DDX60L: variants seen among roughly 807,000 people sequenced by gnomAD.
The protein encoded by DDX60L is DExD/H-box 60 like.
In DDX60L, 191 loss-of-function variants were observed where a neutral mutation model predicts 211.6. The observed-to-expected ratio is 0.90, with a 90% CI of 0.80 to 1.02. The LOEUF (loss-of-function observed/expected upper bound fraction) is 1.02. Ranked by LOEUF, DDX60L falls within the 50% of genes least tolerant of loss-of-function variation. The pLI, the probability that DDX60L is intolerant of heterozygous loss-of-function variation, is 0.00. For missense variants in DDX60L, 2,007 were observed against 1,984.1 expected (o/e 1.01, Z -0.22); for synonymous variants, 706 against 694.1 (o/e 1.02, Z -0.27).
intron 31 of DDX60L, 108 bp from the exon 32 acceptor site, chr4:168,379,612 T>C (rs1452609635): frequency 8.4e-7 from 1 of 1,193,310 alleles, no homozygotes; most frequent in African/African-American, 1.6e-5. Flanking sequence ...TATTAATAAA[T>C]GATAAGTAAC....
At chr4:168,384,338 T>C (rs914548889) in intron 30 of DDX60L, among the ~76,000 whole-genome samples, 2 of 151,928 alleles carry the variant, frequency 1.3e-5, no homozygotes, top group Admixed American at 1.3e-4. Context: ...AAAATAAAAA[T>C]TAGCTGGGCA....
At chr4:168,417,723 A>C (rs866064705) in intron 19 of DDX60L, among the ~76,000 whole-genome samples, 1 of 152,222 alleles carries the variant, frequency 6.6e-6, no homozygotes, top group Non-Finnish European at 1.5e-5. Flanking sequence ...TAGGTACTCA[A>C]TTAATATCTG....
At chr4:168,404,514 A>AT (rs1747403157) in intron 24 of DDX60L, among the ~76,000 whole-genome samples, 1 of 152,100 alleles carries the variant, frequency 6.6e-6, no homozygotes, top group Non-Finnish European at 1.5e-5. Context: ...ATTTCTTAAA[A>AT]TTAAAAAGAA....
At chr4:168,466,025 G>T (rs1482322347) in intron 4 of DDX60L, among the ~76,000 whole-genome samples, 1 of 151,784 alleles carries the variant, frequency 6.6e-6, no homozygotes, top group Non-Finnish European at 1.5e-5. Context: ...TAATTAAATG[G>T]TAAAGAAAAA....
chr4:168,357,248 T>C lies in DDX60L; in HGVS notation c.*899A>G, dbSNP rs1738333878. Reference sequence around the variant, plus strand: ...ACTTAAACAAAATCTATCATTGCTATTGAACAAAACAGTTGAATCAGCATG... The same window carrying C: ...ACTTAAACAAAATCTATCATTGCTACTGAACAAAACAGTTGAATCAGCATG... On this transcript the variant is annotated 3_prime_UTR_variant, in exon 38 of 38. Transcript: ENST00000682922. The C allele has an allele frequency of 6.6e-6, 1 of 152,250 alleles. No individual in the cohort carries two copies. Among genetic ancestry groups the C allele is most frequent in the Admixed American group, 6.5e-5 (1 of 15,284 alleles). 9.4% of individuals were successfully genotyped at this position (152,250 alleles called of 1,614,324 possible).
intron 19 of DDX60L, 25 bp downstream of exon 19, chr4:168,419,277 A>T (rs1188375725): frequency 6.6e-7 from 1 of 1,524,798 alleles, no homozygotes; most frequent in Non-Finnish European, 8.9e-7. Context: ...TAGAACATCA[A>T]CCAGAGAACT....
chr4:168,438,827 T>C (rs547037364), intron 10 of DDX60L, among the ~76,000 whole-genome samples: 4 of 152,336 alleles, frequency 2.6e-5, no homozygotes, highest in Admixed American at 2.6e-4. Flanking sequence ...GTTACAGAAA[T>C]GAGGACTCTA....
At chr4:168,457,269 C>T (rs201432966) in intron 6 of DDX60L, among the ~76,000 whole-genome samples, 43,087 of 150,156 alleles carry the variant, frequency 0.29, 7,799 homozygotes, top group East Asian at 0.59. Context: ...CATACACACA[C>T]ACACACACAC....
At chr4:168,435,006 G>C (rs1332784422) in intron 10 of DDX60L, among the ~76,000 whole-genome samples, 1 of 152,150 alleles carries the variant, frequency 6.6e-6, no homozygotes, top group Non-Finnish European at 1.5e-5. Context: ...CACTGGAGAA[G>C]GGGAAATCAT....
chr4:168,449,652 C>CAAAAAAAA, intron 8 of DDX60L, among the ~76,000 whole-genome samples: 31 of 7,924 alleles, frequency 3.9e-3, no homozygotes, highest in Non-Finnish European at 4.7e-3. Flanking sequence ...AAAAAAAATG[C>CAAAAAAAA]AAAAAAAAAA....
At chr4:168,477,610 C>T (rs1579919534) in intron 1 of DDX60L, among the ~76,000 whole-genome samples, 2 of 152,108 alleles carry the variant, frequency 1.3e-5, no homozygotes, top group Admixed American at 6.5e-5. Context: ...AAAGAGAAGA[C>T]ACAGATTATA....
chr4:168,388,974 C>T (rs1744352934), intron 29 of DDX60L, among the ~76,000 whole-genome samples: 1 of 152,140 alleles, frequency 6.6e-6, no homozygotes, highest in Admixed American at 6.5e-5. Context: ...CTTTTGGAGT[C>T]CCTGGGAGGC....
intron 27 of DDX60L, among the ~76,000 whole-genome samples, chr4:168,394,910 C>A (rs965934523): frequency 6.6e-6 from 1 of 152,192 alleles, no homozygotes; most frequent in Non-Finnish European, 1.5e-5. Flanking sequence ...CTGAGAGAGA[C>A]AGACTACTTC....
chr4:168,371,952 C>T (rs752760102), intron 35 of DDX60L, among the ~76,000 whole-genome samples, 189 bp from the exon 36 acceptor site: 2 of 151,960 alleles, frequency 1.3e-5, no homozygotes, highest in Non-Finnish European at 2.9e-5. Flanking sequence ...AGGGAAAGGG[C>T]GTGTTACAGA....
At chr4:168,386,897 T>C (rs999819930) in intron 29 of DDX60L, among the ~76,000 whole-genome samples, 6 of 152,166 alleles carry the variant, frequency 3.9e-5, no homozygotes, top group Admixed American at 3.3e-4. Flanking sequence ...AATATACATA[T>C]TTTAGATAGA....
At chr4:168,417,816 A>C (rs1252769687) in intron 19 of DDX60L, among the ~76,000 whole-genome samples, 1 of 152,208 alleles carries the variant, frequency 6.6e-6, no homozygotes, top group African/African-American at 2.4e-5. Context: ...TCTTAAACAG[A>C]ATACATCGTG....
At chr4:168,434,772 G>T in intron 10 of DDX60L, among the ~76,000 whole-genome samples, 1 of 152,142 alleles carries the variant, frequency 6.6e-6, no homozygotes, top group East Asian at 1.9e-4. Context: ...TGTACAAAAG[G>T]AAGAGTTCTA....
At chr4:168,379,035 A>C (rs1167489170) in intron 32 of DDX60L, among the ~76,000 whole-genome samples, 3 of 152,214 alleles carry the variant, frequency 2.0e-5, no homozygotes, top group African/African-American at 7.2e-5. Context: ...AAAGGTGGCT[A>C]GGTTTAATTA....
intron 29 of DDX60L, chr4:168,390,038 G>C (rs1036711280): frequency 1.6e-6 from 1 of 617,664 alleles, no homozygotes; most frequent in Non-Finnish European, 2.0e-6. Context: ...AGGGATGTAA[G>C]TGCAAGGGGC....
Sources: gnomAD v4.1 joint callset for allele counts (sites outside exome capture counted in the v4.1 genomes callset) on GRCh38, gnomAD v4.1.1 for gene constraint, MANE v1.5 for transcripts, NCBI Gene and HGNC (gene_info 2026-07-23, HGNC 2026-07-21) for gene names.